Variants in ACYP2 observed in about 807,000 individuals in gnomAD.
ACYP2 encodes the protein acylphosphatase-2.
ACYP2 carries 12 observed loss-of-function variants against 11.2 expected under a neutral mutation model. That is an observed-to-expected ratio of 1.08 (90% confidence interval 0.69 to 1.74). ACYP2 has a LOEUF of 1.74. Ranked by LOEUF, ACYP2 falls within the 40% of genes most tolerant of loss-of-function variation. The pLI is 0.00. For missense variants in ACYP2, 134 were observed against 101.9 expected (o/e 1.31, Z -1.35); for synonymous variants, 43 against 32.2 (o/e 1.33, Z -1.13).
chr2:54,227,472 C>G (rs1686057505), intron 6 of ACYP2, among the ~76,000 whole-genome samples: 2 of 152,060 alleles, frequency 1.3e-5, no homozygotes, highest in Non-Finnish European at 2.9e-5. Flanking sequence ...AAGCCCGTCT[C>G]TACTAAAATA....
intron 4 of ACYP2, among the ~76,000 whole-genome samples, chr2:54,068,688 A>G (rs1286454886): frequency 1.3e-5 from 2 of 152,104 alleles, no homozygotes; most frequent in African/African-American, 2.4e-5. Flanking sequence ...TAAAGGTAAC[A>G]TGAGTTGTTT....
At chr2:54,130,544 G>A (rs913519129) in intron 4 of ACYP2, among the ~76,000 whole-genome samples, 50 of 152,160 alleles carry the variant, frequency 3.3e-4, no homozygotes, top group African/African-American at 1.1e-3. Flanking sequence ...AGAATACACT[G>A]TAAGGGGGGC....
At chr2:54,201,594 C>CTTTCTTTT (rs57144917) in intron 6 of ACYP2, among the ~76,000 whole-genome samples, 1 of 95,742 alleles carries the variant, frequency 1.0e-5, no homozygotes, top group Non-Finnish European at 2.2e-5. Context: ...TTCTTTCTTT[C>CTTTCTTTT]TCTTTCTTTC....
intron 4 of ACYP2, among the ~76,000 whole-genome samples, chr2:54,096,015 A>C (rs1356727231): frequency 2.9e-5 from 1 of 34,172 alleles, no homozygotes; most frequent in Non-Finnish European, 5.1e-5. Flanking sequence ...TGACCCCCCC[A>C]CCTCCCTCCC....
intron 4 of ACYP2, among the ~76,000 whole-genome samples, chr2:54,114,377 A>G (rs955056124): frequency 7.0e-5 from 8 of 113,560 alleles, no homozygotes; most frequent in African/African-American, 2.8e-4. Flanking sequence ...TAATCAAGAC[A>G]ATCAAAAAAA....
chr2:54,112,422 G>A (rs930643058), intron 4 of ACYP2, among the ~76,000 whole-genome samples: 5 of 150,788 alleles, frequency 3.3e-5, no homozygotes, highest in African/African-American at 1.2e-4. Flanking sequence ...ATTTAAATTG[G>A]CACAGCCCTT....
At chr2:54,226,724 T>C (rs1446315222) in intron 6 of ACYP2, among the ~76,000 whole-genome samples, 4 of 152,222 alleles carry the variant, frequency 2.6e-5, no homozygotes, top group Admixed American at 2.6e-4. Context: ...TGGCAGCAGC[T>C]ACCTCCCTCC....
intron 6 of ACYP2, among the ~76,000 whole-genome samples, chr2:54,177,758 T>C (rs1426077990): frequency 1.3e-5 from 2 of 152,032 alleles, no homozygotes; most frequent in African/African-American, 2.4e-5. Context: ...TTTGTATTTT[T>C]AGTAGAGACA....
rs951587413 is a variant in ACYP2 at position 54,261,567 on chromosome 2, T to C, written c.405-43121T>C. 2.6e-5 allele frequency among the ~76,000 whole-genome samples: 4 copies of C among 152,204 alleles called. No individual in the cohort carries two copies. In the South Asian group the frequency reaches 8.3e-4, roughly 32 times the overall value. ...TTTAAAAGATAAACTCAATATTAGA[T>C]GACTGAAAAGAGCCTGTGAATTGTA... On this transcript the variant is annotated intron_variant, in intron 6 of 6. Transcript: ENST00000607452.
At chr2:54,104,148 C>T (rs148600271) in intron 4 of ACYP2, among the ~76,000 whole-genome samples, 1 of 152,326 alleles carries the variant, frequency 6.6e-6, no homozygotes, top group East Asian at 1.9e-4. Context: ...AGATTAAGAA[C>T]ATCTGGCATG....
chr2:54,298,366 T>G (rs949180182), intron 6 of ACYP2, among the ~76,000 whole-genome samples: 1 of 152,226 alleles, frequency 6.6e-6, no homozygotes, highest in Non-Finnish European at 1.5e-5. Flanking sequence ...GCCATACTTT[T>G]ATATGAAGAT....
chr2:54,155,374 A>T (rs1682383033), intron 6 of ACYP2, among the ~76,000 whole-genome samples: 1 of 151,992 alleles, frequency 6.6e-6, no homozygotes, highest in African/African-American at 2.4e-5. Context: ...TTGAGGTATA[A>T]CATAATATTA....
chr2:54,220,266 C>G (rs1419581309), intron 6 of ACYP2, among the ~76,000 whole-genome samples: 1 of 151,716 alleles, frequency 6.6e-6, no homozygotes, highest in Admixed American at 6.6e-5. Flanking sequence ...ATATTAATAC[C>G]CAACTGTAAT....
chr2:53,971,150 T>G lies in ACYP2; in HGVS notation c.-208T>G. ...TGGAGCCCAACGGGCTGCGCCTTCT[T>G]CGCCGTGGGCCCGGCTCGGAGCCCC... On this transcript the variant is annotated 5_prime_UTR_variant, in exon 1 of 7. Coordinates refer to ENST00000607452, the MANE Select transcript of ACYP2 (RefSeq NM_001320586.2). The G allele has an allele frequency of 5.4e-6, 1 of 183,758 alleles. No homozygotes were observed. The highest frequency in any genetic ancestry group is 1.1e-5 in the Non-Finnish European group (1 of 89,616). 11.4% of individuals were successfully genotyped at this position (183,758 alleles called of 1,614,324 possible).
intron 2 of ACYP2, among the ~76,000 whole-genome samples, chr2:54,018,255 T>C (rs1673805289): frequency 6.6e-6 from 1 of 152,098 alleles, no homozygotes; most frequent in African/African-American, 2.4e-5. Flanking sequence ...GATCAGGAGG[T>C]CTGAAGTGGG....
chr2:53,979,714 TG>T (rs931059036), intron 2 of ACYP2, among the ~76,000 whole-genome samples: 43 of 152,114 alleles, frequency 2.8e-4, no homozygotes, highest in Non-Finnish European at 4.3e-4. Context: ...TTTTTGTTTT[TG>T]TTTTTAGATG....
chr2:54,184,810 T>C (rs780612048), intron 6 of ACYP2, among the ~76,000 whole-genome samples: 1 of 151,796 alleles, frequency 6.6e-6, no homozygotes, highest in African/African-American at 2.4e-5. Context: ...TATAACAATA[T>C]CAATTCATTT....
At chr2:54,224,459 G>A (rs1487665620) in intron 6 of ACYP2, among the ~76,000 whole-genome samples, 1 of 152,236 alleles carries the variant, frequency 6.6e-6, no homozygotes, top group Non-Finnish European at 1.5e-5. Flanking sequence ...TCAGAATGGG[G>A]AGTGCGTGCT....
At chr2:54,229,931 AT>A (rs1479002599) in intron 6 of ACYP2, among the ~76,000 whole-genome samples, 2 of 152,072 alleles carry the variant, frequency 1.3e-5, no homozygotes, top group African/African-American at 4.8e-5. Context: ...CTAAGCTCTG[AT>A]TTTTTATCTT....
Sources: gnomAD v4.1 joint callset for allele counts (sites outside exome capture counted in the v4.1 genomes callset) on GRCh38, gnomAD v4.1.1 for gene constraint, MANE v1.5 for transcripts, NCBI Gene and HGNC (gene_info 2026-07-23, HGNC 2026-07-21) for gene names.